Variants in MYO16 observed in about 807,000 individuals in gnomAD.
MYO16 encodes myosin XVI, also known as unconventional myosin-XVI.
Under a neutral mutation model 205.3 loss-of-function variants are expected in MYO16, and 94 were observed. That is an observed-to-expected ratio of 0.46 (90% CI 0.39 to 0.54). MYO16 has a LOEUF of 0.54. Ranked by LOEUF, MYO16 falls within the 20% of genes least tolerant of loss-of-function variation. MYO16 has a pLI of 0.00. For missense variants in MYO16, 2,315 were observed against 2,387.5 expected (o/e 0.97, Z 0.63); for synonymous variants, 988 against 954.0 (o/e 1.04, Z -0.66).
chr13:108,920,298 TTCTC>T (rs1881683778), intron 16 of MYO16, among the ~76,000 whole-genome samples: 1 of 138,854 alleles, frequency 7.2e-6, no homozygotes, highest in African/African-American at 3.4e-5. Context: ...TTCTCTTTCT[TTCTC>T]TTTCTCTTTC....
intron 7 of MYO16, among the ~76,000 whole-genome samples, chr13:108,817,863 T>G (rs1875718173): frequency 6.6e-6 from 1 of 152,160 alleles, no homozygotes; most frequent in African/African-American, 2.4e-5. Context: ...GGACTTACTA[T>G]TCTCTATAAA....
chr13:108,683,945 G>A (rs760798320), intron 2 of MYO16, among the ~76,000 whole-genome samples: 16 of 152,220 alleles, frequency 1.1e-4, no homozygotes, highest in Non-Finnish European at 2.1e-4. Context: ...GCGCGATCTC[G>A]GCTCACAGCA....
chr13:108,989,455 C>T (rs1365408851), intron 20 of MYO16, among the ~76,000 whole-genome samples: 1 of 152,120 alleles, frequency 6.6e-6, no homozygotes, highest in Non-Finnish European at 1.5e-5. Context: ...CTATTTCTTT[C>T]CAGGCCTTCT....
chr13:108,898,351 A>AGAGTGTGTGTGT (rs1555310476), intron 15 of MYO16, among the ~76,000 whole-genome samples: 4 of 144,992 alleles, frequency 2.8e-5, no homozygotes, highest in African/African-American at 1.0e-4. Flanking sequence ...AGGGTGTGTG[A>AGAGTGTGTGTGT]GTGTGTGTGT....
chr13:108,651,866 T>C (rs1002143485), intron 1 of MYO16, among the ~76,000 whole-genome samples: 1 of 152,200 alleles, frequency 6.6e-6, no homozygotes, highest in Non-Finnish European at 1.5e-5. Flanking sequence ...TATTTATTGC[T>C]CTATAAAGAG....
chr13:108,909,383 T>C (rs919695736), intron 15 of MYO16, among the ~76,000 whole-genome samples: 2 of 152,184 alleles, frequency 1.3e-5, no homozygotes, highest in African/African-American at 4.8e-5. Context: ...GACTACACAC[T>C]GTTCACACTG....
chr13:109,087,684 A>G (rs1323262729), intron 27 of MYO16, among the ~76,000 whole-genome samples: 1 of 152,194 alleles, frequency 6.6e-6, no homozygotes, highest in Non-Finnish European at 1.5e-5. Context: ...CTCTTTAGCC[A>G]TTTTCAAGAA....
At chr13:109,045,247 A>G (rs1390350155) in intron 23 of MYO16, among the ~76,000 whole-genome samples, 1 of 152,170 alleles carries the variant, frequency 6.6e-6, no homozygotes, top group Non-Finnish European at 1.5e-5. Context: ...AGATAACTCC[A>G]CGCTGTGGGA....
Position 108,919,454 on chromosome 13 carries a change from G to A in MYO16, c.1925+9304G>A, listed in dbSNP as rs145621278. On this transcript the variant is annotated intron_variant, in intron 16 of 34. Coordinates refer to ENST00000457511, the MANE Select transcript of MYO16 (RefSeq NM_001198950.3). ...CTTGATGACGCAAGGCGACAGAGAT[G>A]GCTGGGCCTTGGGGAATTTGGCGTG... Among the ~76,000 whole-genome samples, 3 of 152,368 alleles carry A rather than the reference G, an allele frequency of 2.0e-5. No homozygotes were observed. In the East Asian group the frequency reaches 5.8e-4, roughly 29 times the overall value.
chr13:108,829,100 G>A (rs993613837), intron 9 of MYO16, among the ~76,000 whole-genome samples: 2 of 152,138 alleles, frequency 1.3e-5, no homozygotes, highest in African/African-American at 4.8e-5. Context: ...ACTTTTGGCT[G>A]GAATCTAAAA....
chr13:108,933,950 T>C (rs953943294), intron 16 of MYO16, among the ~76,000 whole-genome samples: 28 of 152,166 alleles, frequency 1.8e-4, no homozygotes, highest in African/African-American at 6.5e-4. Flanking sequence ...TTTATGGCTG[T>C]GTAGTATTCC....
chr13:108,804,907 C>T (rs576523753), intron 6 of MYO16, among the ~76,000 whole-genome samples: 1 of 152,236 alleles, frequency 6.6e-6, no homozygotes, highest in African/African-American at 2.4e-5. Context: ...TGGTGAGAGC[C>T]AATTTTTGCT....
At chr13:108,699,931 C>G (rs1883234497) in intron 2 of MYO16, among the ~76,000 whole-genome samples, 1 of 152,110 alleles carries the variant, frequency 6.6e-6, no homozygotes, top group Admixed American at 6.6e-5. Flanking sequence ...CCTGGAGTTA[C>G]AGAGAGACGA....
chr13:108,818,786 C>T (rs549544834), intron 7 of MYO16, among the ~76,000 whole-genome samples: 49 of 152,282 alleles, frequency 3.2e-4, no homozygotes, highest in African/African-American at 1.1e-3. Flanking sequence ...CATTTGGAAA[C>T]TTAGGCAAAA....
chr13:108,800,627 C>A (rs948347636), intron 6 of MYO16, among the ~76,000 whole-genome samples: 2 of 152,126 alleles, frequency 1.3e-5, no homozygotes, highest in African/African-American at 4.8e-5. Flanking sequence ...TGATGAAATA[C>A]ATGAAGAAGA....
At chr13:108,557,023 T>G in the MYO16 span, among the ~76,000 whole-genome samples, 2 of 152,204 alleles carry the variant, frequency 1.3e-5, no homozygotes, top group African/African-American at 4.8e-5. Context: ...CGTGGTATTT[T>G]AATTACCATA....
intron 31 of MYO16, among the ~76,000 whole-genome samples, chr13:109,138,678 T>C (rs1033114315): frequency 6.6e-6 from 1 of 152,126 alleles, no homozygotes; most frequent in African/African-American, 2.4e-5. Flanking sequence ...TATGTGTTTT[T>C]GTTAAGGATT....
chr13:108,497,343 C>T, the MYO16 span, among the ~76,000 whole-genome samples: 5 of 152,148 alleles, frequency 3.3e-5, no homozygotes, highest in Non-Finnish European at 5.9e-5. Context: ...GTCTATTGGT[C>T]TTTTTGAAGT....
intron 28 of MYO16, among the ~76,000 whole-genome samples, chr13:109,117,436 A>ATATGTGTATATATGTATATG (rs1455357353): frequency 1.1e-5 from 1 of 93,368 alleles, no homozygotes; most frequent in Non-Finnish European, 2.3e-5. Flanking sequence ...GTGTATATAT[A>ATATGTGTATATATGTATATG]TGTATATATA....
Sources: gnomAD v4.1 joint callset for allele counts (sites outside exome capture counted in the v4.1 genomes callset) on GRCh38, gnomAD v4.1.1 for gene constraint, MANE v1.5 for transcripts, NCBI Gene and HGNC (gene_info 2026-07-23, HGNC 2026-07-21) for gene names.